The following DHCR24 variants were observed in gnomAD, a reference collection of about 807,000 sequenced individuals.
DHCR24 encodes the protein delta(24)-sterol reductase.
In DHCR24, 28 loss-of-function variants were observed where a neutral mutation model predicts 61.2. The observed-to-expected ratio is 0.46, with a 90% CI of 0.34 to 0.63. The LOEUF (loss-of-function observed/expected upper bound fraction) is 0.63. DHCR24 is among the 20% of genes least tolerant of loss of function. DHCR24 has a pLI of 0.01. For missense variants in DHCR24, 538 were observed against 679.1 expected (o/e 0.79, Z 2.31); for synonymous variants, 261 against 275.9 (o/e 0.95, Z 0.54).
rs185967923 is a variant in DHCR24 at position 54,883,915 on chromosome 1, C to T, written c.232-142G>A. The T allele has an allele frequency of 9.4e-4, 1,113 of 1,184,590 alleles. 2 individuals carry two copies. Among genetic ancestry groups the T allele is most frequent in the Non-Finnish European group, 1.2e-3 (1,007 of 833,326 alleles). The allele number at this position is 1,184,590 out of a possible 1,614,324, so 73.4% of individuals were successfully genotyped here. On this transcript the variant is annotated intron_variant, in intron 1 of 8. Coordinates refer to ENST00000371269, the MANE Select transcript of DHCR24 (RefSeq NM_014762.4). The surrounding 1 kb of genome is among the most constrained non-coding windows in gnomAD (Gnocchi z 4.3). The stretch of plus-strand genomic sequence containing the variant: ...CAGAACAATGAAAAGGCCTGCTGGC[C>T]CTACCCTCTGGCACCTCCCTGGCCA...
chr1:54,881,951 C>A (rs560097730), intron 2 of DHCR24, among the ~76,000 whole-genome samples: 54 of 152,072 alleles, frequency 3.6e-4, no homozygotes, highest in African/African-American at 1.2e-3. Flanking sequence ...TACAGGGGAA[C>A]AACAGACACT....
chr1:54,871,327 C>T (rs1234827051), intron 5 of DHCR24, 23 bp downstream of exon 5: 6 of 1,613,208 alleles, frequency 3.7e-6, no homozygotes, highest in Admixed American at 1.7e-5. Context: ...TCTTGGTCAG[C>T]AGCAGCTGAC....
intron 2 of DHCR24, among the ~76,000 whole-genome samples, chr1:54,879,763 T>C (rs1233511215): frequency 6.6e-6 from 1 of 152,060 alleles, no homozygotes; most frequent in Non-Finnish European, 1.5e-5. Flanking sequence ...AAATAATCCA[T>C]GGGTCAAAGC....
In DHCR24 at chr1:54,850,042, G is replaced by T. The variant is rs1249827779; in HGVS notation, c.*2191C>A. 6.6e-6 allele frequency: 1 copy of T among 152,246 alleles called. No individual in the cohort carries two copies. Among genetic ancestry groups the T allele is most frequent in the East Asian group, 1.9e-4 (1 of 5,200 alleles). 9.4% of individuals were successfully genotyped at this position (152,246 alleles called of 1,614,324 possible). Reference sequence around the variant, plus strand: ...GGGACAGGACTGGCTACAAAAAAAAGCCATGAACTCAGCTCACCATGCTAA... The same window carrying T: ...GGGACAGGACTGGCTACAAAAAAAATCCATGAACTCAGCTCACCATGCTAA... On this transcript the variant is annotated 3_prime_UTR_variant, in exon 9 of 9. Coordinates refer to ENST00000371269, the MANE Select transcript of DHCR24 (RefSeq NM_014762.4).
At chr1:54,881,306 C>T (rs1177353884) in intron 2 of DHCR24, among the ~76,000 whole-genome samples, 2 of 151,950 alleles carry the variant, frequency 1.3e-5, no homozygotes. Flanking sequence ...AACAAAACAA[C>T]CCCCATTAAA....
chr1:54,879,078 G>C (rs780591413), intron 2 of DHCR24, among the ~76,000 whole-genome samples: 1 of 152,080 alleles, frequency 6.6e-6, no homozygotes, highest in Non-Finnish European at 1.5e-5. Context: ...CCAGTGCTTT[G>C]GGAGGCCAAG....
Position 54,871,357 on chromosome 1 carries a change from G to C in DHCR24, c.869C>G (p.Pro290Arg). Residue 290 changes from proline (P) to arginine (R), a missense_variant, in exon 5 of 9, where the codon CCC (proline) becomes CGC (arginine). Coordinates refer to ENST00000371269, the MANE Select transcript of DHCR24 (RefSeq NM_014762.4). ...GCTGACACCCTGGCTTACCTTGCTG[G>C]GCTCTGCCTCATCTGTCATGACCCC... ...MTGVMTDEAE[P>R]SKLNSIGNYY... 1 of 1,613,992 alleles carries C rather than the reference G, an allele frequency of 6.2e-7. No homozygotes were observed. Among genetic ancestry groups the C allele is most frequent in the South Asian group, 1.1e-5 (1 of 91,072 alleles).
intron 2 of DHCR24, among the ~76,000 whole-genome samples, chr1:54,879,352 A>AAAAAAAAAACAAAG (rs573285056): frequency 7.8e-6 from 1 of 128,162 alleles, no homozygotes; most frequent in Non-Finnish European, 1.6e-5. Flanking sequence ...AAAAAAAAAA[A>AAAAAAAAAACAAAG]TCCAAATCAA....
intron 5 of DHCR24, among the ~76,000 whole-genome samples, chr1:54,869,746 T>A (rs1427659308): frequency 6.6e-6 from 1 of 151,858 alleles, no homozygotes; most frequent in African/African-American, 2.4e-5. Flanking sequence ...TACAAAAAAA[T>A]TTTAAAAATT....
chr1:54,865,778 G>T (rs1018729893), intron 5 of DHCR24, among the ~76,000 whole-genome samples: 2 of 152,154 alleles, frequency 1.3e-5, no homozygotes, highest in African/African-American at 4.8e-5. Context: ...AGTGCCCCAT[G>T]CAGGGGAATT....
chr1:54,878,514 C>CAAAAAAAAAAAAAAA (rs56198608), intron 2 of DHCR24, among the ~76,000 whole-genome samples: 20 of 54,326 alleles, frequency 3.7e-4, no homozygotes, highest in South Asian at 1.3e-3. Context: ...AACTCTGTCT[C>CAAAAAAAAAAAAAAA]AAAAAAAAAA....
At position 54,876,056 on chromosome 1, in the gene DHCR24, A is replaced by C; in HGVS notation, c.388-9T>G. ...GGCTCCACACGGACAATCTGTTGAC[A>C]CAAGAAAAGAGACCCTGGGTCAAAA... On this transcript the variant is annotated splice_polypyrimidine_tract_variant and intron_variant, in intron 2 of 8. Coordinates refer to ENST00000371269, the MANE Select transcript of DHCR24 (RefSeq NM_014762.4). The C allele has an allele frequency of 6.2e-7, 1 of 1,611,146 alleles. No individual in the cohort carries two copies. The highest frequency in any genetic ancestry group is 8.5e-7 in the Non-Finnish European group (1 of 1,177,288).
At chr1:54,868,182 T>C (rs1646977629) in intron 5 of DHCR24, among the ~76,000 whole-genome samples, 1 of 152,188 alleles carries the variant, frequency 6.6e-6, no homozygotes, top group East Asian at 1.9e-4. Flanking sequence ...AAGATATTAC[T>C]CCAATTGGCC....
In DHCR24 at chr1:54,851,965, G is replaced by A; in HGVS notation, c.*268C>T. 1.1e-5 allele frequency: 6 copies of A among 526,534 alleles called. No homozygotes were observed. The highest frequency in any genetic ancestry group is 8.5e-5 in the South Asian group (4 of 47,044). 32.6% of individuals were successfully genotyped at this position (526,534 alleles called of 1,614,324 possible). On this transcript the variant is annotated 3_prime_UTR_variant, in exon 9 of 9. Coordinates refer to ENST00000371269, the MANE Select transcript of DHCR24 (RefSeq NM_014762.4). Reference sequence around the variant, plus strand: ...ACTAATGAAGAGACCCGGGCTCAGAGGGGTTAAGGGACTCACCCAGAGTCA... The same window carrying A: ...ACTAATGAAGAGACCCGGGCTCAGAAGGGTTAAGGGACTCACCCAGAGTCA...
intron 6 of DHCR24, among the ~76,000 whole-genome samples, chr1:54,862,661 G>T (rs1273297061): frequency 1.3e-5 from 2 of 152,088 alleles, no homozygotes; most frequent in Non-Finnish European, 1.5e-5. Flanking sequence ...TGTATATAGG[G>T]CTCCAACCTC....
intron 2 of DHCR24, among the ~76,000 whole-genome samples, chr1:54,880,093 A>G (rs929680803): frequency 6.6e-6 from 1 of 152,226 alleles, no homozygotes; most frequent in Non-Finnish European, 1.5e-5. Flanking sequence ...ATAAAATTCA[A>G]TAGCCTTTAG....
At chr1:54,869,989 A>C (rs1182527636) in intron 5 of DHCR24, among the ~76,000 whole-genome samples, 3 of 151,686 alleles carry the variant, frequency 2.0e-5, no homozygotes, top group African/African-American at 7.3e-5. Flanking sequence ...TGGGAGACAG[A>C]GGTTGCAGTG....
rs2101578399 is a variant in DHCR24, at chr1:54,883,186, T to C, written c.387+432A>G. On this transcript the variant is annotated intron_variant, in intron 2 of 8. Transcript: ENST00000371269. This position sits in a 1 kb window ranked among gnomAD's most constrained non-coding sequence, Gnocchi z 4.3. The stretch of plus-strand genomic sequence containing the variant: ...TATTTCCTTTTTCCTTAAGCCAGGT[T>C]TCGAGAAGTAAAATTACTAGATGGG... 6.6e-6 allele frequency among the ~76,000 whole-genome samples: 1 copy of C among 152,284 alleles called. No homozygotes were observed. Among genetic ancestry groups the C allele is most frequent in the East Asian group, 1.9e-4 (1 of 5,188 alleles).
intron 3 of DHCR24, among the ~76,000 whole-genome samples, 156 bp downstream of exon 3, chr1:54,875,786 C>A (rs1186026477): frequency 1.3e-5 from 2 of 152,208 alleles, no homozygotes; most frequent in Non-Finnish European, 2.9e-5. Context: ...AGGCAGTGAA[C>A]ACCCTGTCAT....
Sources: gnomAD v4.1 joint callset for allele counts (sites outside exome capture counted in the v4.1 genomes callset) on GRCh38, gnomAD v4.1.1 for gene constraint, Gnocchi (gnomAD v3.1) non-coding constraint, MANE v1.5 for transcripts, NCBI Gene and HGNC (gene_info 2026-07-23, HGNC 2026-07-21) for gene names.